Variants in TRIO observed in about 807,000 individuals in gnomAD.
TRIO encodes the protein trio Rho guanine nucleotide exchange factor.
TRIO carries 58 observed loss-of-function variants against 351.9 expected under a neutral mutation model. That is an observed-to-expected ratio of 0.16 (90% CI 0.13 to 0.21). The LOEUF is 0.21. Ranked by LOEUF, TRIO falls within the 10% of genes least tolerant of loss-of-function variation. The probability of loss-of-function intolerance (pLI) is 1.00; values close to 1 mark genes in which losing one functional copy is unlikely to be tolerated. For missense variants in TRIO, 3,201 were observed against 4,027.8 expected, an observed-to-expected ratio of 0.79 and a Z score of 5.56; for synonymous variants, 1,758 against 1,595.7, an observed-to-expected ratio of 1.10 and a Z score of -2.42.
chr5:14,392,905 G>A (rs935139699), intron 27 of TRIO, among the ~76,000 whole-genome samples: 1 of 151,958 alleles, frequency 6.6e-6, no homozygotes, highest in African/African-American at 2.4e-5. Flanking sequence ...AAAATTAGCC[G>A]AGCGTGGTGG....
intron 1 of TRIO, among the ~76,000 whole-genome samples, chr5:14,232,055 T>C (rs1478078193): frequency 6.6e-6 from 1 of 152,186 alleles, no homozygotes; most frequent in Non-Finnish European, 1.5e-5. Context: ...TACTATGTTA[T>C]CTCACTTAAT....
chr5:14,435,412 CAGT>C (rs1184996674), intron 34 of TRIO, among the ~76,000 whole-genome samples: 8 of 152,150 alleles, frequency 5.3e-5, no homozygotes. Flanking sequence ...CTCACTGTCT[CAGT>C]AGCATCTGCA....
intron 5 of TRIO, among the ~76,000 whole-genome samples, chr5:14,292,383 C>G (rs930417651): frequency 6.6e-6 from 1 of 152,184 alleles, no homozygotes. Context: ...TGATAGTCAT[C>G]TATATTTTCT....
Position 14,487,602 on chromosome 5 carries a change from G to C in TRIO, c.6974G>C (p.Ser2325Thr), listed in dbSNP as rs1298121207. 1 of 1,167,306 alleles carries C rather than the reference G, an allele frequency of 8.6e-7. No individual in the cohort carries two copies. The highest frequency in any genetic ancestry group is 1.6e-5 in the African/African-American group (1 of 60,778). The allele number at this position is 1,167,306 out of a possible 1,614,324, so 72.3% of individuals were successfully genotyped here. The change falls in exon 48 of 57, where the codon AGC (serine) becomes ACC (threonine). Residue 2325 changes from serine to threonine, a missense_variant. By Grantham distance (58) the Ser-to-Thr change is moderately conservative. This residue lies in a region of TRIO where 1,089 missense variants were observed against 954.9 expected (regional missense o/e 1.14). Coordinates refer to ENST00000344204, the MANE Select transcript of TRIO (RefSeq NM_007118.4). ...GGCAGCGGCCACAGTGGCGGCCCCA[G>C]CAGCTGCGGCGGCGCCCCCAGCACG... ...SGGSGHSGGPSSCGGAPSTSR... is the reference protein window; with the variant it reads ...SGGSGHSGGPTSCGGAPSTSR...
intron 9 of TRIO, among the ~76,000 whole-genome samples, chr5:14,326,845 A>C (rs1740436077): frequency 6.6e-6 from 1 of 152,238 alleles, no homozygotes; most frequent in African/African-American, 2.4e-5. Context: ...GGGTAATCTG[A>C]GTAATCTACC....
At chr5:14,391,099 C>G in intron 27 of TRIO, 109 bp downstream of exon 27, 1 of 821,000 alleles carries the variant, frequency 1.2e-6, no homozygotes, top group Non-Finnish European at 1.8e-6. Flanking sequence ...TCATTTTTGT[C>G]TATCATTTTT....
At chr5:14,488,495 G>A in intron 48 of TRIO, 5 of 581,944 alleles carry the variant, frequency 8.6e-6, no homozygotes, top group South Asian at 2.8e-5. Flanking sequence ...CCTTCTCAAC[G>A]CAGCGTCTTT....
intron 53 of TRIO, among the ~76,000 whole-genome samples, chr5:14,501,816 G>C (rs1330603633): frequency 6.6e-6 from 1 of 152,224 alleles, no homozygotes; most frequent in East Asian, 1.9e-4. Context: ...GAGGCTGGAT[G>C]AGTGGGGTCG....
At chr5:14,238,134 C>T (rs58465394) in intron 1 of TRIO, among the ~76,000 whole-genome samples, 27,876 of 151,950 alleles carry the variant, frequency 0.18, 3,264 homozygotes, top group East Asian at 0.42. Flanking sequence ...TATGTCAGTT[C>T]TCTCGAAACA....
intron 34 of TRIO, among the ~76,000 whole-genome samples, chr5:14,432,135 A>C (rs1239713819): frequency 6.6e-6 from 1 of 152,220 alleles, no homozygotes; most frequent in Admixed American, 6.5e-5. Flanking sequence ...TGCCATTGCC[A>C]GCCACAGTGC....
intron 19 of TRIO, among the ~76,000 whole-genome samples, chr5:14,375,250 C>G (rs1745454037): frequency 6.6e-6 from 1 of 152,140 alleles, no homozygotes; most frequent in South Asian, 2.1e-4. Flanking sequence ...ATGAATAAGT[C>G]TTCTGGGCCA....
chr5:14,376,886 C>G (rs1039638914), intron 19 of TRIO, among the ~76,000 whole-genome samples: 1 of 152,216 alleles, frequency 6.6e-6, no homozygotes, highest in African/African-American at 2.4e-5. Flanking sequence ...CTTTCCAACA[C>G]TGGATCTTAC....
At chr5:14,190,815 G>C (rs928023118) in intron 1 of TRIO, among the ~76,000 whole-genome samples, 1 of 152,054 alleles carries the variant, frequency 6.6e-6, no homozygotes, top group African/African-American at 2.4e-5. Context: ...CACCTCAGAA[G>C]TATCTCAGGA....
chr5:14,496,933 A>C lies in TRIO; in HGVS notation c.7935A>C (p.Lys2645Asn), dbSNP rs917707330. 1.2e-6 allele frequency: 2 copies of C among 1,614,252 alleles called. No homozygotes were observed. Among genetic ancestry groups the C allele is most frequent in the Middle Eastern group, 1.6e-4 (1 of 6,062 alleles). ...GTTTAAGGAAAAAATCTGAGAAAAA[A>C]GATAAAGACGGCAAAAGGGAAGGCA... is the stretch of plus-strand genomic sequence containing the variant. Reference protein sequence around the residue: ...ALRLRKKSEKKDKDGKREGKL... With the variant: ...ALRLRKKSEKNDKDGKREGKL... The change falls in exon 50 of 57, where the codon AAA becomes AAC. Residue 2645 changes from lysine to asparagine, a missense_variant. By Grantham distance (94) the Lys-to-Asn change is moderately conservative. Coordinates refer to ENST00000344204, the MANE Select transcript of TRIO (RefSeq NM_007118.4).
chr5:14,336,337 A>G lies in TRIO; in HGVS notation c.1855-199A>G, dbSNP rs139215439. On this transcript the variant is annotated intron_variant, in intron 10 of 56. Coordinates refer to ENST00000344204, the MANE Select transcript of TRIO (RefSeq NM_007118.4). ...GGTTTTGATATGGGGTTCAAAGTTTAACAATCTAAAACAACAGCGGGAAAG... is the reference window on the plus strand; with the variant it reads ...GGTTTTGATATGGGGTTCAAAGTTTGACAATCTAAAACAACAGCGGGAAAG... Among the ~76,000 whole-genome samples the G allele has an allele frequency of 3.9e-3, 591 of 152,340 alleles. 1 individual carries two copies. Among genetic ancestry groups the G allele is most frequent in the Non-Finnish European group, 6.3e-3 (431 of 68,038 alleles).
intron 1 of TRIO, among the ~76,000 whole-genome samples, chr5:14,212,897 AG>A (rs769329): frequency 0.042 from 6,371 of 152,292 alleles, 458 homozygotes; most frequent in African/African-American, 0.15. Context: ...GAGACCAAAT[AG>A]GGTAGCCTGT....
intron 36 of TRIO, 113 bp from the exon 37 acceptor site, chr5:14,465,432 T>C: frequency 1.0e-6 from 1 of 995,282 alleles, no homozygotes; most frequent in South Asian, 1.4e-5. Context: ...TTGTGGTCTT[T>C]TTGTCTGGAA....
chr5:14,478,316 G>A (rs1276423565), intron 41 of TRIO, among the ~76,000 whole-genome samples: 1 of 152,188 alleles, frequency 6.6e-6, no homozygotes, highest in African/African-American at 2.4e-5. Flanking sequence ...ATAAATTTGT[G>A]GCAGTGAAGA....
chr5:14,508,052 C>T lies in TRIO; in HGVS notation c.8924C>T (p.Thr2975Met), dbSNP rs188618696. The T allele has an allele frequency of 1.5e-5, 25 of 1,614,214 alleles. No homozygotes were observed. Among genetic ancestry groups the T allele is most frequent in the African/African-American group, 2.7e-5 (2 of 75,056 alleles). The change falls in exon 57 of 57, where the codon ACG (threonine) becomes ATG (methionine). Residue 2975 changes from threonine (T) to methionine (M), a missense_variant. Thr to Met is a moderately conservative substitution (Grantham distance 81, BLOSUM62 -1). This residue lies in a region of TRIO where 233 missense variants were observed against 292.6 expected (regional missense o/e 0.80). Coordinates refer to ENST00000344204, the MANE Select transcript of TRIO (RefSeq NM_007118.4). ...AACCCTGTCTCCCTGACCTCGGATACGTGGAGTGTTGGAGTGCTCACATAC... is the reference window on the plus strand; with the variant it reads ...AACCCTGTCTCCCTGACCTCGGATATGTGGAGTGTTGGAGTGCTCACATAC... Reference protein sequence around the residue: ...LGNPVSLTSDTWSVGVLTYVL... With the variant: ...LGNPVSLTSDMWSVGVLTYVL...
Sources: allele counts gnomAD v4.1 joint callset (sites outside exome capture counted in the v4.1 genomes callset), GRCh38; gene constraint gnomAD v4.1.1; regional missense constraint gnomAD v4.1.1; transcripts MANE v1.5; gene names NCBI Gene and HGNC (gene_info 2026-07-23, HGNC 2026-07-21).